WDFY4: variants seen among roughly 807,000 people sequenced by gnomAD.
WDFY4 encodes the protein WDFY family member 4.
WDFY4 carries 169 observed loss-of-function variants against 351.9 expected under a neutral mutation model. The observed-to-expected ratio is 0.48, with a 90% CI of 0.42 to 0.55. The LOEUF is 0.55. WDFY4 is among the 20% of genes least tolerant of loss of function. WDFY4 has a pLI of 0.00. For missense variants in WDFY4, 3,803 were observed against 3,935.6 expected, an observed-to-expected ratio of 0.97 and a Z score of 0.90; for synonymous variants, 1,622 against 1,574.6, an observed-to-expected ratio of 1.03 and a Z score of -0.71.
At chr10:48,926,031 A>T (rs937146435) in intron 47 of WDFY4, among the ~76,000 whole-genome samples, 5 of 152,234 alleles carry the variant, frequency 3.3e-5, no homozygotes, top group Non-Finnish European at 7.3e-5. Flanking sequence ...AATGTGTCTG[A>T]TACGCAAGCT....
chr10:48,891,951 G>A (rs1564454978), intron 44 of WDFY4, among the ~76,000 whole-genome samples: 1 of 152,188 alleles, frequency 6.6e-6, no homozygotes, highest in Admixed American at 6.5e-5. Context: ...AAAATGCTTG[G>A]CATTTTTCTC....
chr10:48,927,966 A>G (rs1286370670), intron 47 of WDFY4, among the ~76,000 whole-genome samples: 1 of 152,234 alleles, frequency 6.6e-6, no homozygotes, highest in African/African-American at 2.4e-5. Flanking sequence ...CAAAACACAC[A>G]AACCAACCTC....
intron 49 of WDFY4, among the ~76,000 whole-genome samples, chr10:48,944,061 A>G (rs1840921208): frequency 6.6e-6 from 1 of 152,238 alleles, no homozygotes; most frequent in African/African-American, 2.4e-5. Flanking sequence ...ATCTACCAAG[A>G]TGGTGCCATG....
At chr10:48,786,226 T>C (rs1340695821) in intron 19 of WDFY4, among the ~76,000 whole-genome samples, 1 of 152,206 alleles carries the variant, frequency 6.6e-6, no homozygotes, top group African/African-American at 2.4e-5. Flanking sequence ...TTCTAGGATA[T>C]TAAAAAAAAT....
intron 13 of WDFY4, among the ~76,000 whole-genome samples, chr10:48,760,852 A>G (rs533253348): frequency 2.2e-4 from 34 of 152,338 alleles, no homozygotes; most frequent in Non-Finnish European, 3.2e-4. Flanking sequence ...TGTGCAGCTC[A>G]TGCACAGCTA....
Position 48,786,749 on chromosome 10 carries a change from A to G in WDFY4, c.3687A>G (p.Ser1229=), listed in dbSNP as rs371744678. ...CTCGAGTCTGGAAACAAAAGTCTTC[A>G]TTAATCTGGCGTCTTGGCCCCACAT... The part of the protein sequence containing the change: ...ATPRVWKQKS[S]LIWRLGPTYL... Residue 1229 remains serine (S), a synonymous_variant, in exon 20 of 62, where the codon TCA becomes TCG. Coordinates refer to ENST00000325239, the MANE Select transcript of WDFY4 (RefSeq NM_001394531.1). The G allele has an allele frequency of 9.0e-6, 14 of 1,552,268 alleles. No individual in the cohort carries two copies. Among genetic ancestry groups the G allele is most frequent in the African/African-American group, 1.4e-5 (1 of 73,066 alleles).
intron 39 of WDFY4, among the ~76,000 whole-genome samples, chr10:48,840,660 C>T (rs776815226): frequency 6.6e-6 from 1 of 152,118 alleles, no homozygotes; most frequent in Non-Finnish European, 1.5e-5. Context: ...TGAACAAGGA[C>T]GAGAGTTCCC....
intron 47 of WDFY4, among the ~76,000 whole-genome samples, chr10:48,928,935 A>C (rs1839813083): frequency 6.6e-6 from 1 of 152,202 alleles, no homozygotes; most frequent in Non-Finnish European, 1.5e-5. Flanking sequence ...AGCAAAGAAA[A>C]TGAAGGTCCC....
intron 12 of WDFY4, among the ~76,000 whole-genome samples, chr10:48,751,361 G>T (rs1159932636): frequency 6.6e-6 from 1 of 152,228 alleles, no homozygotes; most frequent in Non-Finnish European, 1.5e-5. Context: ...TGTAGGCATT[G>T]CTCGGACTTT....
rs1408036049 is a variant in WDFY4, at chr10:48,790,830, C to T, written c.4170C>T (p.Thr1390=). The change falls in exon 23 of 62, where the codon ACC becomes ACT. Residue 1390 remains threonine (T), a synonymous_variant. Transcript: ENST00000325239. ...GLISLATDDH[T]MYAAVKVLHS... ...TCTCCTTAGCGACAGATGACCATAC[C>T]ATGTATGCGGCTGTGAAAGTTCTGC... The T allele has an allele frequency of 2.6e-6, 4 of 1,551,778 alleles. No homozygotes were observed. The highest frequency in any genetic ancestry group is 2.0e-5 in the Admixed American group (1 of 51,008).
At chr10:48,821,205 T>G (rs1215102689) in intron 34 of WDFY4, 29 bp downstream of exon 34, 14 of 1,507,154 alleles carry the variant, frequency 9.3e-6, no homozygotes, top group Non-Finnish European at 1.3e-5. Flanking sequence ...TCCCCTCCAT[T>G]CATGACATGA....
Position 48,805,936 on chromosome 10 carries a change from C to G in WDFY4, c.4647-68C>G, listed in dbSNP as rs552270256. 42 of 1,375,764 alleles carry G rather than the reference C, an allele frequency of 3.1e-5. 1 individual carries two copies. The South Asian group carries it at 5.0e-4, about 16-fold the overall frequency. The allele number at this position is 1,375,764 out of a possible 1,614,324, so 85.2% of individuals were successfully genotyped here. A position where few individuals can be genotyped will look rare whatever the true frequency, so the allele number is the denominator to read the frequency against. On this transcript the variant is annotated intron_variant, in intron 26 of 61. Transcript: ENST00000325239. The stretch of plus-strand genomic sequence containing the variant: ...ACGTGGGTGGGTCTATGTGAAAACA[C>G]TGGCATGTACTCAGCGGACTCAGTT...
At chr10:48,922,865 G>A (rs772759881) in intron 47 of WDFY4, among the ~76,000 whole-genome samples, 4 of 152,124 alleles carry the variant, frequency 2.6e-5, no homozygotes, top group Admixed American at 6.5e-5. Flanking sequence ...ACAAATCTAT[G>A]GTTGCAGGGA....
chr10:48,863,617 A>G (rs1324806261), intron 39 of WDFY4, among the ~76,000 whole-genome samples: 4 of 152,038 alleles, frequency 2.6e-5, no homozygotes, highest in African/African-American at 9.7e-5. Context: ...CAGACATGTA[A>G]TTTATAATTT....
intron 19 of WDFY4, among the ~76,000 whole-genome samples, chr10:48,782,534 T>A (rs2066262300): frequency 6.6e-6 from 1 of 152,176 alleles, no homozygotes; most frequent in East Asian, 1.9e-4. Context: ...TCAGGAGTGG[T>A]GTGTTGCTAT....
chr10:48,894,700 G>C (rs1268101090), intron 44 of WDFY4, among the ~76,000 whole-genome samples: 1 of 152,176 alleles, frequency 6.6e-6, no homozygotes, highest in African/African-American at 2.4e-5. Flanking sequence ...AGGGGAGAGA[G>C]AACAGCCAGA....
intron 39 of WDFY4, among the ~76,000 whole-genome samples, chr10:48,834,834 C>T (rs1037699664): frequency 4.6e-5 from 7 of 152,234 alleles, no homozygotes; most frequent in Non-Finnish European, 1.0e-4. Context: ...CTCATTGATA[C>T]AGCTCAGCTG....
intron 39 of WDFY4, among the ~76,000 whole-genome samples, chr10:48,838,408 C>T (rs2068480381): frequency 6.6e-6 from 1 of 152,116 alleles, no homozygotes; most frequent in Admixed American, 6.5e-5. Context: ...CGTCACCCAC[C>T]CTAGCATGAA....
At chr10:48,795,516 T>A (rs1473085292) in intron 23 of WDFY4, among the ~76,000 whole-genome samples, 6 of 106,298 alleles carry the variant, frequency 5.6e-5, no homozygotes, top group Non-Finnish European at 1.1e-4. Context: ...TATATATATA[T>A]ATATATACAT....
Sources: gnomAD v4.1 joint callset for allele counts (sites outside exome capture counted in the v4.1 genomes callset) on GRCh38, gnomAD v4.1.1 for gene constraint, MANE v1.5 for transcripts, NCBI Gene and HGNC (gene_info 2026-07-23, HGNC 2026-07-21) for gene names.